Variants in IFFO1 observed in about 807,000 individuals in gnomAD.
The protein encoded by IFFO1 is intermediate filament family orphan 1.
Under a neutral mutation model 59.6 loss-of-function variants are expected in IFFO1, and 42 were observed. The observed-to-expected ratio is 0.70, with a 90% confidence interval of 0.55 to 0.91. The LOEUF (loss-of-function observed/expected upper bound fraction) is 0.91. Among genes scored for constraint, IFFO1 ranks in the 40% least tolerant of loss-of-function variants. The probability of loss-of-function intolerance (pLI) is 0.00; values close to 1 mark genes in which losing one functional copy is unlikely to be tolerated. For missense variants in IFFO1, 711 were observed against 793.2 expected, an observed-to-expected ratio of 0.90 and a Z score of 1.24; for synonymous variants, 336 against 342.8, an observed-to-expected ratio of 0.98 and a Z score of 0.22.
Position 6,555,508 on chromosome 12 carries a change from G to C in IFFO1, c.522C>G (p.Leu174=). 1.9e-6 allele frequency: 3 copies of C among 1,590,274 alleles called. No individual in the cohort carries two copies. The highest frequency in any genetic ancestry group is 2.6e-6 in the Non-Finnish European group (3 of 1,169,266). Reference sequence around the variant, plus strand: ...TGGAGGTGGAGGTGGAGGACGACGAGAGGCTGGCCGCGGAGGGCGCGAGGG... The same window carrying C: ...TGGAGGTGGAGGTGGAGGACGACGACAGGCTGGCCGCGGAGGGCGCGAGGG... ...AGPLAPSAAS[L]SSSSTSTSTT... Residue 174 remains leucine (L), a synonymous_variant, in exon 1 of 10, where the codon CTC becomes CTG. Coordinates refer to ENST00000619571, the MANE Select transcript of IFFO1 (RefSeq NM_001193457.2). The surrounding 1 kb of genome is among the most constrained non-coding windows in gnomAD (Gnocchi z 8.6).
At position 6,548,700 on chromosome 12, in the gene IFFO1, G is replaced by A. The variant is rs1160908619; in HGVS notation, c.1230C>T (p.Ile410=). Residue 410 remains isoleucine (I), a synonymous_variant, in exon 6 of 10, where the codon ATC becomes ATT. Transcript: ENST00000619571. The surrounding 1 kb of genome is among the most constrained non-coding windows in gnomAD (Gnocchi z 6.1). ...TGAGCATGCGCTGCATCTCCTCGTT[G>A]ATGCTGAGGGCTGTGCTCTCCTCCT... ...GDEEESTALS[I]NEEMQRMLNQ... 14 of 1,614,078 alleles carry A rather than the reference G, an allele frequency of 8.7e-6. No individual in the cohort carries two copies. The highest frequency in any genetic ancestry group is 1.2e-5 in the Non-Finnish European group (14 of 1,180,008).
In IFFO1 at chr12:6,549,634, G is replaced by A; in HGVS notation, c.1071+122C>T. ...TTACCCCCCAGTCTAGCCCCGTGAG[G>A]GCCCCAGTTGCCAGGTAAGGCTCCC... is the stretch of plus-strand genomic sequence containing the variant. On this transcript the variant is annotated intron_variant, in intron 4 of 9. Transcript: ENST00000619571. This position sits in a 1 kb window ranked among gnomAD's most constrained non-coding sequence, Gnocchi z 5.0. 2 of 1,422,490 alleles carry A rather than the reference G, an allele frequency of 1.4e-6. No individual in the cohort carries two copies. The highest frequency in any genetic ancestry group is 1.9e-6 in the Non-Finnish European group (2 of 1,028,014). The allele number at this position is 1,422,490 out of a possible 1,614,324, so 88.1% of individuals were successfully genotyped here.
rs535419014 is a variant in IFFO1 at position 6,544,356 on chromosome 12, G to A, written c.1480-2714C>T. On this transcript the variant is annotated intron_variant, in intron 8 of 9. Transcript: ENST00000619571. The stretch of plus-strand genomic sequence containing the variant: ...TACTTTTTGTATTTTTAGTAGAGAC[G>A]GGGTTTCACATGTTGGTGGCCAGGC... Among the ~76,000 whole-genome samples, 44 of 152,082 alleles carry A rather than the reference G, an allele frequency of 2.9e-4. 1 individual carries two copies. The highest frequency in any genetic ancestry group is 6.8e-3 in the Middle Eastern group (2 of 294).
chr12:6,549,634 G>T lies in IFFO1; in HGVS notation c.1071+122C>A. On this transcript the variant is annotated intron_variant, in intron 4 of 9. Transcript: ENST00000619571. The surrounding 1 kb of genome is among the most constrained non-coding windows in gnomAD (Gnocchi z 5.0). ...TTACCCCCCAGTCTAGCCCCGTGAGGGCCCCAGTTGCCAGGTAAGGCTCCC... is the reference window on the plus strand; with the variant it reads ...TTACCCCCCAGTCTAGCCCCGTGAGTGCCCCAGTTGCCAGGTAAGGCTCCC... 7.0e-7 allele frequency: 1 copy of T among 1,422,488 alleles called. No individual in the cohort carries two copies. The highest frequency in any genetic ancestry group is 9.7e-7 in the Non-Finnish European group (1 of 1,028,012). 88.1% of individuals were successfully genotyped at this position (1,422,488 alleles called of 1,614,324 possible).
At position 6,548,334 on chromosome 12, in the gene IFFO1, T is replaced by TG; in HGVS notation, c.1383+90dup. The TG allele has an allele frequency of 1.4e-6, 2 of 1,468,290 alleles. No homozygotes were observed. The highest frequency in any genetic ancestry group is 1.9e-6 in the Non-Finnish European group (2 of 1,068,466). 91.0% of individuals were successfully genotyped at this position (1,468,290 alleles called of 1,614,324 possible). A position where few individuals can be genotyped will look rare whatever the true frequency, so the allele number is the denominator to read the frequency against. On this transcript the variant is annotated intron_variant, in intron 7 of 9. Transcript: ENST00000619571. The surrounding 1 kb of genome is among the most constrained non-coding windows in gnomAD (Gnocchi z 6.1). ...ACGCAGGTAGAGGATGACAGCCACA[T>TG]GGGGGGACAGAGCAAGGAGAGGAGC...
In IFFO1 at chr12:6,548,297, G is replaced by A; in HGVS notation, c.1383+128C>T. The stretch of plus-strand genomic sequence containing the variant: ...GGAGAAAGAAAAGCAAAAGGATAAA[G>A]GAAGAGGGGAGACGCAGGTAGAGGA... On this transcript the variant is annotated intron_variant, in intron 7 of 9. Coordinates refer to ENST00000619571, the MANE Select transcript of IFFO1 (RefSeq NM_001193457.2). The surrounding 1 kb of genome is among the most constrained non-coding windows in gnomAD (Gnocchi z 6.1). 1 of 1,242,498 alleles carries A rather than the reference G, an allele frequency of 8.0e-7. No individual in the cohort carries two copies. The highest frequency in any genetic ancestry group is 1.2e-6 in the Non-Finnish European group (1 of 864,556). 77.0% of individuals were successfully genotyped at this position (1,242,498 alleles called of 1,614,324 possible). A position where few individuals can be genotyped will look rare whatever the true frequency, so the allele number is the denominator to read the frequency against.
At position 6,555,987 on chromosome 12, in the gene IFFO1, C is replaced by A; in HGVS notation, c.43G>T (p.Glu15Ter). The stretch of plus-strand genomic sequence containing the variant: ...AGTGGCCCGGCCAGGCCCTGCTGCT[C>A]CTGCTGCAGGAGGAAGAGGTTGGGG... ...FGPNLFLLQQ[E>*]QQGLAGPLGD... The change falls in exon 1 of 10, where the codon GAG (glutamate) becomes TAG (stop). Residue 15 changes from glutamate to a stop codon, truncating the protein, a stop_gained. Transcript: ENST00000619571. LOFTEE classifies it high-confidence loss of function. This position sits in a 1 kb window ranked among gnomAD's most constrained non-coding sequence, Gnocchi z 8.6. 1 of 1,576,098 alleles carries A rather than the reference C, an allele frequency of 6.3e-7. No individual in the cohort carries two copies. Among genetic ancestry groups the A allele is most frequent in the South Asian group, 1.1e-5 (1 of 87,794 alleles).
rs756184110 is a variant in IFFO1 at position 6,550,997 on chromosome 12, C to T, written c.778G>A (p.Glu260Lys). The change falls in exon 2 of 10, where the codon GAA (glutamate) becomes AAA (lysine). Residue 260 changes from glutamate (E) to lysine (K), a missense_variant. Glu to Lys is a moderately conservative substitution (Grantham distance 56). Around this residue, in one of 3 missense-constraint regions of IFFO1, gnomAD observed 579 missense variants for 650.3 expected, o/e 0.89. Transcript: ENST00000619571. ...TGGATCCGCACCGTGTACTCCTCTT[C>T]CCACCTGACAGACATGGGAAGGGCG... ...RERDEYKRRW[E>K]EEYTVRIQLQ... is the part of the protein sequence containing the mutation. The T allele has an allele frequency of 6.2e-6, 10 of 1,614,034 alleles. No individual in the cohort carries two copies. The South Asian group carries it at 9.9e-5, about 16-fold the overall frequency.
Position 6,540,319 on chromosome 12 carries a change from G to C in IFFO1, c.*164C>G. On this transcript the variant is annotated 3_prime_UTR_variant, in exon 10 of 10. Transcript: ENST00000619571. ...TAGCTCCAGACACCCCAGAGCCCTG[G>C]AGAAGCCAAGACTGAGGGAGAAAGC... 1.5e-6 allele frequency: 1 copy of C among 652,012 alleles called. No individual in the cohort carries two copies. Among genetic ancestry groups the C allele is most frequent in the Non-Finnish European group, 2.7e-6 (1 of 363,854 alleles). 40.4% of individuals were successfully genotyped at this position (652,012 alleles called of 1,614,324 possible).
chr12:6,554,357 C>CA (rs1947351359), intron 1 of IFFO1, among the ~76,000 whole-genome samples: 1 of 152,216 alleles, frequency 6.6e-6, no homozygotes, highest in African/African-American at 2.4e-5. Context: ...GTCTGCAAGA[C>CA]ACTACCTCTG....
rs1565562684 is a variant in IFFO1 at position 6,541,694 on chromosome 12, C to T, written c.1480-52G>A. ...GGGTTAACAGGTGGCGTTCACAGCG[C>T]CTCTGTTGCCCCCGCCAGGAGGCCA... On this transcript the variant is annotated intron_variant, in intron 8 of 9. Coordinates refer to ENST00000619571, the MANE Select transcript of IFFO1 (RefSeq NM_001193457.2). This position sits in a 1 kb window ranked among gnomAD's most constrained non-coding sequence, Gnocchi z 4.8. The T allele has an allele frequency of 6.2e-7, 1 of 1,606,814 alleles. No individual in the cohort carries two copies.
chr12:6,540,980 A>G (rs564630715), intron 9 of IFFO1, among the ~76,000 whole-genome samples: 11 of 150,994 alleles, frequency 7.3e-5, no homozygotes, highest in African/African-American at 2.7e-4. Flanking sequence ...GGCTGAGGCA[A>G]GATAATCACT....
chr12:6,540,902 A>G (rs1329339143), intron 9 of IFFO1, among the ~76,000 whole-genome samples: 2 of 152,168 alleles, frequency 1.3e-5, no homozygotes, highest in Admixed American at 1.3e-4. Flanking sequence ...AAGCCTGGCC[A>G]ACATGGTGAA....
chr12:6,550,960 C>T lies in IFFO1; in HGVS notation c.815G>A (p.Arg272His), dbSNP rs375866509. 43 of 1,614,216 alleles carry T rather than the reference C, an allele frequency of 2.7e-5. No homozygotes were observed. The highest frequency in any genetic ancestry group is 8.3e-5 in the Admixed American group (5 of 60,028). ...CCTCACCTCCTGGAGCTCATTTACA[C>T]GGTCTTGCAGCTGGATCCGCACCGT... Reference protein sequence around the residue: ...EYTVRIQLQDRVNELQEEAQE... With the variant: ...EYTVRIQLQDHVNELQEEAQE... Residue 272 changes from arginine to histidine, a missense_variant, in exon 2 of 10, where the codon CGT (arginine) becomes CAT (histidine). This residue lies in a region of IFFO1 where 579 missense variants were observed against 650.3 expected (regional missense o/e 0.89). Transcript: ENST00000619571.
chr12:6,554,086 A>G lies in IFFO1; in HGVS notation c.773+1171T>C, dbSNP rs1037553219. Reference sequence around the variant, plus strand: ...TAATAAAATATTATCATTTATGGGAAAAAAAAAAAAAGAAAGCCTGCTGAT... The same window carrying G: ...TAATAAAATATTATCATTTATGGGAGAAAAAAAAAAAGAAAGCCTGCTGAT... On this transcript the variant is annotated intron_variant, in intron 1 of 9. Transcript: ENST00000619571. Among the ~76,000 whole-genome samples, 8 of 139,318 alleles carry G rather than the reference A, an allele frequency of 5.7e-5. No individual in the cohort carries two copies. The South Asian group carries it at 1.4e-3, about 24-fold the overall frequency. The allele number at this position is 139,318 out of a possible 152,430, so 91.4% of individuals were successfully genotyped here. A position where few individuals can be genotyped will look rare whatever the true frequency, so the allele number is the denominator to read the frequency against.
chr12:6,543,201 A>G (rs1159715632), intron 8 of IFFO1, among the ~76,000 whole-genome samples: 1 of 152,190 alleles, frequency 6.6e-6, no homozygotes, highest in African/African-American at 2.4e-5. Context: ...ATCAAAGGTC[A>G]CAAAGATAAA....
Position 6,549,670 on chromosome 12 carries a change from G to A in IFFO1, c.1071+86C>T, listed in dbSNP as rs1371070377. ...CCAGGTAAGGCTCCCCAAGCAGGAG[G>A]CAGGGCCTGCGTTCCAGGCCAGCCG... On this transcript the variant is annotated intron_variant, in intron 4 of 9. Transcript: ENST00000619571. This position sits in a 1 kb window ranked among gnomAD's most constrained non-coding sequence, Gnocchi z 5.0. The A allele has an allele frequency of 2.0e-6, 3 of 1,534,890 alleles. No individual in the cohort carries two copies. In the East Asian group the frequency reaches 6.8e-5, roughly 35 times the overall value.
Position 6,556,030 on chromosome 12 carries a change from G to C in IFFO1, c.-1C>G. On this transcript the variant is annotated 5_prime_UTR_variant, in exon 1 of 10. Coordinates refer to ENST00000619571, the MANE Select transcript of IFFO1 (RefSeq NM_001193457.2). ...GGTTGGGGCCGAATAACGGATTCAT[G>C]GCTGCGCCTTCTGCTGGGAGATGCA... is the stretch of plus-strand genomic sequence containing the variant. The C allele has an allele frequency of 1.3e-6, 2 of 1,577,168 alleles. No individual in the cohort carries two copies. Among genetic ancestry groups the C allele is most frequent in the Non-Finnish European group, 1.7e-6 (2 of 1,169,880 alleles).
In IFFO1 at chr12:6,540,118, C is replaced by T. The variant is rs1449174428; in HGVS notation, c.*365G>A. 2.7e-5 allele frequency: 9 copies of T among 337,630 alleles called. No individual in the cohort carries two copies. The highest frequency in any genetic ancestry group is 8.5e-5 in the South Asian group (3 of 35,228). 20.9% of individuals were successfully genotyped at this position (337,630 alleles called of 1,614,324 possible). A position where few individuals can be genotyped will look rare whatever the true frequency, so the allele number is the denominator to read the frequency against. ...AGTGTGGAAGACAGTGAGCTGGCTCCGGACAACAGGGATGGAGGAAAGGTC... is the reference window on the plus strand; with the variant it reads ...AGTGTGGAAGACAGTGAGCTGGCTCTGGACAACAGGGATGGAGGAAAGGTC... On this transcript the variant is annotated 3_prime_UTR_variant, in exon 10 of 10. Transcript: ENST00000619571.
Sources: allele counts gnomAD v4.1 joint callset (sites outside exome capture counted in the v4.1 genomes callset), GRCh38; gene constraint gnomAD v4.1.1; regional missense constraint gnomAD v4.1.1; non-coding constraint Gnocchi (gnomAD v3.1); transcripts MANE v1.5; gene names NCBI Gene and HGNC (gene_info 2026-07-23, HGNC 2026-07-21).